PDE1A: variants seen among roughly 807,000 people sequenced by gnomAD.
PDE1A encodes phosphodiesterase 1A.
Under a neutral mutation model 61.7 loss-of-function variants are expected in PDE1A, and 35 were observed. That is an observed-to-expected ratio of 0.57 (90% CI 0.43 to 0.75). PDE1A has a LOEUF of 0.75. PDE1A is among the 30% of genes least tolerant of loss of function. The probability of loss-of-function intolerance (pLI) is 0.00; values close to 1 mark genes in which losing one functional copy is unlikely to be tolerated. For missense variants in PDE1A, 597 were observed against 630.6 expected, an observed-to-expected ratio of 0.95 and a Z score of 0.57; for synonymous variants, 232 against 213.2, an observed-to-expected ratio of 1.09 and a Z score of -0.77.
the PDE1A span, among the ~76,000 whole-genome samples, chr2:182,706,143 A>G: frequency 1.3e-5 from 2 of 152,192 alleles, no homozygotes; most frequent in Non-Finnish European, 2.9e-5. Context: ...TTGTACCTAG[A>G]TCTAGACACA....
intron 8 of PDE1A, 82 bp downstream of exon 8, chr2:182,205,858 T>C: frequency 7.8e-7 from 1 of 1,279,570 alleles, no homozygotes; most frequent in Non-Finnish European, 1.1e-6. Flanking sequence ...GCATCGACTT[T>C]CATCTTTTTT....
downstream of PDE1A, among the ~76,000 whole-genome samples, chr2:182,167,098 C>A (rs528426696): frequency 1.3e-5 from 2 of 152,120 alleles, no homozygotes; most frequent in East Asian, 3.9e-4. Flanking sequence ...TAAGATGAAC[C>A]CTAAGGTTAA....
Position 182,494,842 on chromosome 2 carries a change from T to C in PDE1A, c.101+27434A>G, listed in dbSNP as rs1484324842. On this transcript the variant is annotated intron_variant, in intron 2 of 14. Coordinates refer to the PDE1A transcript ENST00000410103. Reference sequence around the variant, plus strand: ...AAACAGCACACTTTTATATAGCAGATGCAATTGGTTCCTTGTGTTGGTTCC... The same window carrying C: ...AAACAGCACACTTTTATATAGCAGACGCAATTGGTTCCTTGTGTTGGTTCC... Among the ~76,000 whole-genome samples, 6 of 152,182 alleles carry C rather than the reference T, an allele frequency of 3.9e-5. No individual in the cohort carries two copies. In the East Asian group the frequency reaches 5.8e-4, roughly 15 times the overall value.
chr2:182,389,240 A>G (rs1168800560), intron 1 of PDE1A, among the ~76,000 whole-genome samples: 1 of 152,178 alleles, frequency 6.6e-6, no homozygotes, highest in South Asian at 2.1e-4. Context: ...TTATACAGAT[A>G]TTTTTAAGAT....
At chr2:182,700,386 G>A in the PDE1A span, among the ~76,000 whole-genome samples, 1 of 151,670 alleles carries the variant, frequency 6.6e-6, no homozygotes, top group South Asian at 2.1e-4. Context: ...GACTAGCCTG[G>A]CCAATATGGC....
At chr2:182,169,268 T>C (rs560674228) in intron 13 of PDE1A, among the ~76,000 whole-genome samples, 6 of 152,106 alleles carry the variant, frequency 3.9e-5, no homozygotes, top group Non-Finnish European at 7.4e-5. Context: ...GAAATACAGT[T>C]TTAAGGAAAG....
chr2:182,478,184 G>A (rs1349328604), intron 2 of PDE1A, among the ~76,000 whole-genome samples: 4 of 151,720 alleles, frequency 2.6e-5, no homozygotes, highest in Admixed American at 1.3e-4. Flanking sequence ...AAATAAACAG[G>A]TAACTCTAAA....
chr2:182,213,705 G>A (rs1687882949), intron 7 of PDE1A, among the ~76,000 whole-genome samples: 1 of 71,820 alleles, frequency 1.4e-5, no homozygotes, highest in Non-Finnish European at 2.9e-5. Context: ...AAGCGAGAAG[G>A]GAAGTTTAGA....
chr2:182,277,451 T>A (rs1249016693), intron 1 of PDE1A, among the ~76,000 whole-genome samples: 3 of 152,092 alleles, frequency 2.0e-5, no homozygotes, highest in African/African-American at 4.8e-5. Flanking sequence ...TTTTTAAAAG[T>A]AAAGATCAAG....
chr2:182,432,961 A>G (rs1043674166), intron 2 of PDE1A, among the ~76,000 whole-genome samples: 1 of 152,044 alleles, frequency 6.6e-6, no homozygotes, highest in Non-Finnish European at 1.5e-5. Context: ...GATTGAGCCA[A>G]TCTCAGCCTT....
upstream of PDE1A, among the ~76,000 whole-genome samples, chr2:182,527,325 A>T (rs868457457): frequency 2.6e-3 from 98 of 38,042 alleles, 1 homozygote; most frequent in African/African-American, 0.011. Flanking sequence ...AAAAAAAAAA[A>T]AAATATATAT....
chr2:182,487,266 C>T (rs1688078234), intron 2 of PDE1A, among the ~76,000 whole-genome samples: 1 of 152,074 alleles, frequency 6.6e-6, no homozygotes, highest in Admixed American at 6.6e-5. Flanking sequence ...ACTGCCGTAC[C>T]AGGTGCCAGC....
intron 1 of PDE1A, among the ~76,000 whole-genome samples, chr2:182,396,598 T>C (rs961229064): frequency 3.9e-5 from 6 of 152,240 alleles, no homozygotes; most frequent in African/African-American, 7.2e-5. Context: ...TAAGAAAATA[T>C]CTTCATTTTA....
chr2:182,460,107 C>T (rs972880899), intron 2 of PDE1A, among the ~76,000 whole-genome samples: 1 of 152,156 alleles, frequency 6.6e-6, no homozygotes, highest in East Asian at 1.9e-4. Context: ...TCATTCCAAT[C>T]CCTCTTCCAA....
the PDE1A span, among the ~76,000 whole-genome samples, chr2:182,607,054 A>G: frequency 1.3e-5 from 2 of 152,166 alleles, no homozygotes; most frequent in African/African-American, 2.4e-5. Context: ...GTGGGGGGAA[A>G]AAAAAAGACA....
chr2:182,491,356 T>C (rs1337547727), intron 2 of PDE1A, among the ~76,000 whole-genome samples: 4 of 152,042 alleles, frequency 2.6e-5, no homozygotes, highest in African/African-American at 9.7e-5. Flanking sequence ...GTGAGGGATA[T>C]AATAATGGAC....
At chr2:182,522,197 A>G (rs938705877) in intron 2 of PDE1A, 5 of 1,206,150 alleles carry the variant, frequency 4.1e-6, no homozygotes, top group Non-Finnish European at 3.7e-6. Context: ...CTAGCCCACA[A>G]AGGCGGATAG....
chr2:182,714,655 C>G, the PDE1A span, among the ~76,000 whole-genome samples: 1 of 152,052 alleles, frequency 6.6e-6, no homozygotes, highest in Admixed American at 6.6e-5. Flanking sequence ...ACCTCTGTCT[C>G]CCGGGTTCAA....
At chr2:182,680,022 G>A in the PDE1A span, among the ~76,000 whole-genome samples, 1 of 152,092 alleles carries the variant, frequency 6.6e-6, no homozygotes, top group Non-Finnish European at 1.5e-5. Flanking sequence ...AAAATTGAAT[G>A]CCCAGAAATA....
Sources: allele counts gnomAD v4.1 joint callset (sites outside exome capture counted in the v4.1 genomes callset), GRCh38; gene constraint gnomAD v4.1.1; transcripts MANE v1.5; gene names NCBI Gene and HGNC (gene_info 2026-07-23, HGNC 2026-07-21).